The following HIP1R variants were observed in gnomAD, a reference collection of about 807,000 sequenced individuals.
HIP1R encodes the protein huntingtin-interacting protein 1-related protein.
HIP1R carries 135 observed loss-of-function variants against 144.2 expected under a neutral mutation model. That is an observed-to-expected ratio of 0.94 (90% confidence interval 0.81 to 1.08). HIP1R has a LOEUF of 1.08. HIP1R is among the 50% of genes least tolerant of loss of function. HIP1R has a pLI of 0.00. For missense variants in HIP1R, 1,462 were observed against 1,432.8 expected (o/e 1.02, Z -0.33); for synonymous variants, 698 against 612.8 (o/e 1.14, Z -2.05).
intron 1 of HIP1R, among the ~76,000 whole-genome samples, chr12:122,839,642 C>T (rs909210061): frequency 1.5e-4 from 23 of 152,160 alleles, no homozygotes; most frequent in African/African-American, 5.3e-4. Flanking sequence ...AGGCAAGCCA[C>T]GTGTGTACTT....
intron 4 of HIP1R, 60 bp from the exon 5 acceptor site, chr12:122,849,815 T>G (rs1038313669): frequency 7.9e-7 from 1 of 1,263,458 alleles, no homozygotes; most frequent in Non-Finnish European, 1.2e-6. Context: ...GCCCAGGTCC[T>G]TGAGGACTCT....
intron 5 of HIP1R, 143 bp downstream of exon 5, chr12:122,850,098 A>C: frequency 1.4e-6 from 1 of 718,104 alleles, no homozygotes; most frequent in Non-Finnish European, 2.5e-6. Context: ...AACTATGACT[A>C]AAGGGGAGAC....
Position 122,861,475 on chromosome 12 carries a change from G to A in HIP1R, c.3120G>A (p.Leu1040=), listed in dbSNP as rs772063873. The change falls in exon 31 of 32, where the codon CTG becomes CTA. Residue 1040 remains leucine (L), a synonymous_variant. Coordinates refer to ENST00000253083, the MANE Select transcript of HIP1R (RefSeq NM_003959.3). ...PRSVTTKKPP[L]AQKPSVAPRQ... ...GTGTAACCACCAAGAAACCACCCCT[G>A]GCCCAGAAGCCCAGCGTGGCCCCCA... is the stretch of plus-strand genomic sequence containing the variant. 1.2e-6 allele frequency: 2 copies of A among 1,613,360 alleles called. No individual in the cohort carries two copies. Among genetic ancestry groups the A allele is most frequent in the South Asian group, 2.2e-5 (2 of 91,060 alleles).
intron 16 of HIP1R, 33 bp downstream of exon 16, chr12:122,856,581 G>C (rs1178155563): frequency 1.3e-6 from 2 of 1,597,608 alleles, no homozygotes. Context: ...CCCTGCCCCG[G>C]CATCCCCAGC....
chr12:122,848,344 C>T (rs533195356), intron 2 of HIP1R, 122 bp from the exon 3 acceptor site: 23 of 1,259,016 alleles, frequency 1.8e-5, no homozygotes, highest in African/African-American at 1.8e-4. Context: ...TCTGGTGACC[C>T]GGGGTTGATG....
chr12:122,834,979 G>T (rs1031975729), upstream of HIP1R: 2 of 1,288,906 alleles, frequency 1.6e-6, no homozygotes, highest in African/African-American at 3.0e-5. Context: ...CAATTAACCA[G>T]ATCTTGCCCT....
At chr12:122,859,608 G>C (rs2033703421) in intron 23 of HIP1R, 72 bp downstream of exon 23, 2 of 1,404,506 alleles carry the variant, frequency 1.4e-6, no homozygotes, top group Non-Finnish European at 2.0e-6. Context: ...ACTGGGCTGG[G>C]TACAGGCTGC....
chr12:122,859,032 G>GA, intron 21 of HIP1R, 29 bp from the exon 22 acceptor site: 1 of 1,606,488 alleles, frequency 6.2e-7, no homozygotes. Flanking sequence ...GGTGGGGGGG[G>GA]CTCCACTCAC....
chr12:122,852,026 G>A (rs1377479353), intron 7 of HIP1R, among the ~76,000 whole-genome samples: 1 of 152,236 alleles, frequency 6.6e-6, no homozygotes, highest in Non-Finnish European at 1.5e-5. Flanking sequence ...GAACCCGGCC[G>A]CTGTTGGACA....
In HIP1R at chr12:122,855,265, G is replaced by A; in HGVS notation, c.853G>A (p.Gly285Arg). 6.2e-7 allele frequency: 1 copy of A among 1,612,794 alleles called. No homozygotes were observed. Among genetic ancestry groups the A allele is most frequent in the Non-Finnish European group, 8.5e-7 (1 of 1,179,888 alleles). ...CAGGTCCCACCTGCCGCCCCTGCAGGGACCCCCTAACTTCCTGCGGGCCTC... is the reference window on the plus strand; with the variant it reads ...CAGGTCCCACCTGCCGCCCCTGCAGAGACCCCCTAACTTCCTGCGGGCCTC... The part of the protein sequence containing the change: ...RLIQIPRLPE[G>R]PPNFLRASAL... The change falls in exon 11 of 32, where the codon GGA becomes AGA. Residue 285 changes from glycine to arginine, a missense_variant and splice_region_variant. Around this residue, in one of 2 missense-constraint regions of HIP1R, gnomAD observed 350 missense variants for 421.1 expected, o/e 0.83. Coordinates refer to ENST00000253083, the MANE Select transcript of HIP1R (RefSeq NM_003959.3).
chr12:122,861,624 C>A, intron 31 of HIP1R, 82 bp from the exon 32 acceptor site: 1 of 1,583,392 alleles, frequency 6.3e-7, no homozygotes, highest in Non-Finnish European at 8.6e-7. Flanking sequence ...TGACAACATG[C>A]AGGGAGGAGC....
chr12:122,858,548 C>A, intron 20 of HIP1R, 113 bp downstream of exon 20: 1 of 838,432 alleles, frequency 1.2e-6, no homozygotes, highest in Non-Finnish European at 1.8e-6. Context: ...TCTGGGAAGC[C>A]AAGCAGATGC....
rs1245503611 is a variant in HIP1R at position 122,861,920 on chromosome 12, G to A, written c.*167G>A. ...GCCCTTACTGAGCCTGCAGGGTCCT[G>A]GGCCATGTGGGTGGTGCTTCTGGAT... On this transcript the variant is annotated 3_prime_UTR_variant, in exon 32 of 32. Coordinates refer to ENST00000253083, the MANE Select transcript of HIP1R (RefSeq NM_003959.3). 9.9e-6 allele frequency: 6 copies of A among 603,056 alleles called. No homozygotes were observed. The highest frequency in any genetic ancestry group is 1.7e-5 in the Non-Finnish European group (6 of 348,862). 37.4% of individuals were successfully genotyped at this position (603,056 alleles called of 1,614,324 possible).
Position 122,855,970 on chromosome 12 carries a change from C to T in HIP1R, c.1129-10C>T. On this transcript the variant is annotated splice_polypyrimidine_tract_variant and intron_variant, in intron 13 of 31. Coordinates refer to ENST00000253083, the MANE Select transcript of HIP1R (RefSeq NM_003959.3). ...CCAGGCAGGGCCCCACGTCACACCT[C>T]CTCCCGCAGGCCCAGCGGTACATCG... is the stretch of plus-strand genomic sequence containing the variant. 6.3e-7 allele frequency: 1 copy of T among 1,579,380 alleles called. No homozygotes were observed. The highest frequency in any genetic ancestry group is 8.6e-7 in the Non-Finnish European group (1 of 1,163,172).
In HIP1R at chr12:122,840,568, C is replaced by T. The variant is rs1286442479; in HGVS notation, c.93+4925C>T. Among the ~76,000 whole-genome samples the T allele has an allele frequency of 6.6e-6, 1 of 152,144 alleles. No individual in the cohort carries two copies. The highest frequency in any genetic ancestry group is 2.4e-5 in the African/African-American group (1 of 41,428). On this transcript the variant is annotated intron_variant, in intron 1 of 31. Transcript: ENST00000253083. This position sits in a 1 kb window ranked among gnomAD's most constrained non-coding sequence, Gnocchi z 4.2. The stretch of plus-strand genomic sequence containing the variant: ...CATAGTGCCTGGTGTGTAGTGAATG[C>T]CGTGTAAGTGTTGGCTGTTATGTTG...
In HIP1R at chr12:122,855,975, C is replaced by A; in HGVS notation, c.1129-5C>A. The A allele has an allele frequency of 6.3e-7, 1 of 1,581,902 alleles. No individual in the cohort carries two copies. The highest frequency in any genetic ancestry group is 8.6e-7 in the Non-Finnish European group (1 of 1,164,558). On this transcript the variant is annotated splice_region_variant and splice_polypyrimidine_tract_variant and intron_variant, in intron 13 of 31. Transcript: ENST00000253083. ...CAGGGCCCCACGTCACACCTCCTCCCGCAGGCCCAGCGGTACATCGCGCAG... is the reference window on the plus strand; with the variant it reads ...CAGGGCCCCACGTCACACCTCCTCCAGCAGGCCCAGCGGTACATCGCGCAG...
At position 122,860,506 on chromosome 12, in the gene HIP1R, G is replaced by A; in HGVS notation, c.2643G>A (p.Trp881Ter). 1 of 1,612,764 alleles carries A rather than the reference G, an allele frequency of 6.2e-7. No homozygotes were observed. The highest frequency in any genetic ancestry group is 8.5e-7 in the Non-Finnish European group (1 of 1,179,662). ...GLISASKAVG[W>*]GATQLVEAAD... is the part of the protein sequence containing the mutation. Reference sequence around the variant, plus strand: ...TCTCGGCCTCCAAGGCTGTGGGCTGGGGAGCCACACAGCTGGTGTAGGTTG... The same window carrying A: ...TCTCGGCCTCCAAGGCTGTGGGCTGAGGAGCCACACAGCTGGTGTAGGTTG... The change falls in exon 27 of 32, where the codon TGG becomes TGA. Residue 881 changes from tryptophan (W) to a stop codon, truncating the protein, a stop_gained. Coordinates refer to ENST00000253083, the MANE Select transcript of HIP1R (RefSeq NM_003959.3). LOFTEE classifies it high-confidence loss of function.
intron 8 of HIP1R, 77 bp downstream of exon 8, chr12:122,854,260 T>C (rs2033491043): frequency 7.5e-7 from 1 of 1,325,942 alleles, no homozygotes; most frequent in Non-Finnish European, 1.0e-6. Flanking sequence ...AAAAGGAAAA[T>C]CGAAAAATTA....
rs920433160 is a variant in HIP1R at position 122,835,459 on chromosome 12, G to T, written c.-92G>T. ...CGGCGGGCGGGCCCGGGCGCGGCGC[G>T]GTGGCCTCGCGGTGCCTAGGCTGGG... On this transcript the variant is annotated 5_prime_UTR_variant, in exon 1 of 32. Transcript: ENST00000253083. 1.5e-5 allele frequency: 18 copies of T among 1,162,180 alleles called. No homozygotes were observed. The highest frequency in any genetic ancestry group is 1.8e-5 in the Non-Finnish European group (17 of 942,726). The allele number at this position is 1,162,180 out of a possible 1,614,324, so 72.0% of individuals were successfully genotyped here.
Sources: gnomAD v4.1 joint callset for allele counts (sites outside exome capture counted in the v4.1 genomes callset) on GRCh38, gnomAD v4.1.1 for gene constraint, gnomAD v4.1.1 regional missense constraint, Gnocchi (gnomAD v3.1) non-coding constraint, MANE v1.5 for transcripts, NCBI Gene and HGNC (gene_info 2026-07-23, HGNC 2026-07-21) for gene names.